Variants in ADAM7 observed in about 807,000 individuals in gnomAD.
ADAM7 encodes the protein disintegrin and metalloproteinase domain-containing protein 7.
ADAM7 carries 97 observed loss-of-function variants against 102.9 expected under a neutral mutation model. That is an observed-to-expected ratio of 0.94 (90% CI 0.80 to 1.12). ADAM7 has a LOEUF of 1.12. Ranked by LOEUF, ADAM7 falls within the 50% of genes most tolerant of loss-of-function variation. The pLI is 0.00. For missense variants in ADAM7, 991 were observed against 908.7 expected (o/e 1.09, Z -1.16); for synonymous variants, 334 against 304.4 (o/e 1.10, Z -1.01).
intron 15 of ADAM7, 141 bp from the exon 16 acceptor site, chr8:24,492,902 G>GT: frequency 2.5e-6 from 2 of 807,212 alleles, no homozygotes; most frequent in East Asian, 2.9e-5. Context: ...TTGCTCAGTG[G>GT]TTTTCTCTGC....
Position 24,454,677 on chromosome 8 carries a change from G to C in ADAM7, c.233+7415G>C, listed in dbSNP as rs147031847. 8.7e-3 allele frequency among the ~76,000 whole-genome samples: 1,317 copies of C among 152,182 alleles called. 18 individuals are homozygous for C. The highest frequency in any genetic ancestry group is 0.03 in the African/African-American group (1,262 of 41,524). On this transcript the variant is annotated intron_variant, in intron 3 of 21. Coordinates refer to ENST00000175238, the MANE Select transcript of ADAM7 (RefSeq NM_003817.4). ...CTGCACCCACTGTCCTGCGCCCACT[G>C]TCTGGCACTCCCTAGTGAGATGAAC...
At chr8:24,501,782 C>T (rs979571129) in intron 20 of ADAM7, among the ~76,000 whole-genome samples, 12 of 151,378 alleles carry the variant, frequency 7.9e-5, no homozygotes, top group African/African-American at 2.9e-4. Context: ...GAACAATAAC[C>T]AAGATACTAT....
At chr8:24,482,068 TA>T in intron 8 of ADAM7, 73 bp from the exon 9 acceptor site, 1 of 1,095,852 alleles carries the variant, frequency 9.1e-7, no homozygotes. Flanking sequence ...TGGGGAAATG[TA>T]AAGGAATATA....
Position 24,489,300 on chromosome 8 carries a change from T to A in ADAM7, c.1233T>A (p.Asp411Glu). The A allele has an allele frequency of 6.2e-7, 1 of 1,613,386 alleles. No individual in the cohort carries two copies. The highest frequency in any genetic ancestry group is 8.5e-7 in the Non-Finnish European group (1 of 1,179,586). The change falls in exon 12 of 22, where the codon GAT becomes GAA. Residue 411 changes from aspartate to glutamate, a missense_variant. Asp to Glu is a conservative substitution (Grantham distance 45). Transcript: ENST00000175238. ...AATTTTGTGGAAACAAGAAGTTGGATGAGGGTGAAGAGTGTGACTGTGGCC... is the reference window on the plus strand; with the variant it reads ...AATTTTGTGGAAACAAGAAGTTGGAAGAGGGTGAAGAGTGTGACTGTGGCC... ...DFQFCGNKKL[D>E]EGEECDCGPA... is the part of the protein sequence containing the mutation.
rs369075452 is a variant in ADAM7, at chr8:24,465,774, A to C, written c.388A>C (p.Arg130=). The C allele has an allele frequency of 2.5e-6, 4 of 1,590,530 alleles. No individual in the cohort carries two copies. Among genetic ancestry groups the C allele is most frequent in the African/African-American group, 2.7e-5 (2 of 74,070 alleles). Residue 130 remains arginine (R), a splice_region_variant and synonymous_variant, in exon 5 of 22, where the codon AGG becomes CGG. Transcript: ENST00000175238. ...CAGTATCAGTACGTGTAATGGTCTA[A>C]GGTAATGCAGAATATCTTTCTTTTT... is the stretch of plus-strand genomic sequence containing the variant. ...AASISTCNGL[R]GFFRINDQRY...
intron 4 of ADAM7, among the ~76,000 whole-genome samples, 191 bp downstream of exon 4, chr8:24,464,151 A>C (rs1432213578): frequency 1.3e-5 from 2 of 152,224 alleles, no homozygotes; most frequent in Non-Finnish European, 2.9e-5. Context: ...CTTACTGCCT[A>C]ACAAGCAAAT....
chr8:24,466,508 T>G (rs938325038), intron 5 of ADAM7, among the ~76,000 whole-genome samples: 1 of 152,196 alleles, frequency 6.6e-6, no homozygotes, highest in African/African-American at 2.4e-5. Context: ...CAATAACTCT[T>G]AAGACTTGAC....
chr8:24,461,947 A>G (rs1258691840), intron 3 of ADAM7, among the ~76,000 whole-genome samples: 1 of 152,190 alleles, frequency 6.6e-6, no homozygotes, highest in East Asian at 1.9e-4. Flanking sequence ...TCTTATCTGT[A>G]ATTTCAACTT....
At chr8:24,484,085 A>C (rs977731583) in intron 9 of ADAM7, among the ~76,000 whole-genome samples, 1 of 152,172 alleles carries the variant, frequency 6.6e-6, no homozygotes, top group Non-Finnish European at 1.5e-5. Flanking sequence ...CAACCATGAG[A>C]GGACACTCAA....
At chr8:24,475,794 C>A in intron 7 of ADAM7, 1 of 304,038 alleles carries the variant, frequency 3.3e-6, no homozygotes, top group South Asian at 3.1e-5. Context: ...TTATTAAGTA[C>A]ATTTGATCAG....
chr8:24,463,254 G>A (rs1819311084), intron 3 of ADAM7, among the ~76,000 whole-genome samples: 1 of 152,168 alleles, frequency 6.6e-6, no homozygotes, highest in Non-Finnish European at 1.5e-5. Flanking sequence ...TTGGGATCAA[G>A]AAGTGGCCAT....
Position 24,509,348 on chromosome 8 carries a change from G to A in ADAM7, c.*802G>A, listed in dbSNP as rs913853727. 1.4e-5 allele frequency: 14 copies of A among 985,134 alleles called. No homozygotes were observed. Among genetic ancestry groups the A allele is most frequent in the South Asian group, 1.4e-4 (3 of 21,278 alleles). The allele number at this position is 985,134 out of a possible 1,614,324, so 61.0% of individuals were successfully genotyped here. ...TGCTGTCTCTGCCCTCTCCCTATCC[G>A]TTTGTTATGGGATGGGGGATTACCC... On this transcript the variant is annotated 3_prime_UTR_variant, in exon 22 of 22. Transcript: ENST00000175238.
chr8:24,501,771 G>A (rs1158244273), intron 20 of ADAM7, among the ~76,000 whole-genome samples, 195 bp downstream of exon 20: 1 of 151,854 alleles, frequency 6.6e-6, no homozygotes, highest in African/African-American at 2.4e-5. Flanking sequence ...AAACAGATAT[G>A]GAACAATAAC....
chr8:24,506,282 C>A (rs1236612143), intron 20 of ADAM7: 6 of 739,088 alleles, frequency 8.1e-6, no homozygotes, highest in South Asian at 3.7e-5. Flanking sequence ...GCTCTCTGAT[C>A]GGAGGTAGAA....
At chr8:24,508,483 G>T (rs1238242796) in intron 21 of ADAM7, 63 bp from the exon 22 acceptor site, 5 of 1,528,692 alleles carry the variant, frequency 3.3e-6, no homozygotes, top group Admixed American at 3.4e-5. Flanking sequence ...ATGAGTAATG[G>T]AAATACATGG....
At chr8:24,458,488 G>A (rs931610865) in intron 3 of ADAM7, among the ~76,000 whole-genome samples, 6 of 151,950 alleles carry the variant, frequency 3.9e-5, no homozygotes, top group Non-Finnish European at 8.8e-5. Context: ...AAGCAAAATG[G>A]ATTATTTTAT....
At chr8:24,474,543 G>A (rs986612083) in intron 7 of ADAM7, among the ~76,000 whole-genome samples, 6 of 152,012 alleles carry the variant, frequency 3.9e-5, no homozygotes, top group Non-Finnish European at 4.4e-5. Flanking sequence ...TAGTTAATGA[G>A]CATTCAATAT....
intron 2 of ADAM7, 117 bp downstream of exon 2, chr8:24,442,693 C>A: frequency 5.1e-6 from 4 of 792,064 alleles, no homozygotes; most frequent in Non-Finnish European, 4.4e-6. Context: ...TCTAAGGACT[C>A]CCATTCGGCA....
chr8:24,490,736 A>G, intron 12 of ADAM7, 63 bp from the exon 13 acceptor site: 2 of 1,505,888 alleles, frequency 1.3e-6, no homozygotes, highest in Non-Finnish European at 1.8e-6. Flanking sequence ...CAACTAATTA[A>G]TTCTTCAAAC....
Sources: gnomAD v4.1 joint callset for allele counts (sites outside exome capture counted in the v4.1 genomes callset) on GRCh38, gnomAD v4.1.1 for gene constraint, MANE v1.5 for transcripts, NCBI Gene and HGNC (gene_info 2026-07-23, HGNC 2026-07-21) for gene names.